Variants in MARCHF1 observed in about 807,000 individuals in gnomAD.
The protein encoded by MARCHF1 is membrane associated ring-CH-type finger 1.
A neutral mutation model predicts 54.2 loss-of-function variants in MARCHF1; 40 were observed. The observed-to-expected ratio is 0.74, with a 90% CI of 0.57 to 0.96. The LOEUF is 0.96. MARCHF1 is among the 40% of genes least tolerant of loss of function. The probability of loss-of-function intolerance (pLI) is 0.00; values close to 1 mark genes in which losing one functional copy is unlikely to be tolerated. For synonymous variants in MARCHF1, 236 were observed against 236.3 expected (o/e 1.00, Z 0.01); for missense variants, 586 against 656.5 (o/e 0.89, Z 1.17).
At position 164,379,863 on chromosome 4, in the gene MARCHF1, C is replaced by T. The variant is rs557653060; in HGVS notation, c.-323+4007G>A. 1.0e-3 allele frequency among the ~76,000 whole-genome samples: 157 copies of T among 151,922 alleles called. 2 individuals carry two copies. In the South Asian group the frequency reaches 0.031, roughly 30 times the overall value. On this transcript the variant is annotated intron_variant, in intron 1 of 9. Transcript: ENST00000514618. Reference sequence around the variant, plus strand: ...TGGTGCTAGTCAGGAGGCTGAGGGACGAGAACCACTTGAGGCAGAGGTTTC... The same window carrying T: ...TGGTGCTAGTCAGGAGGCTGAGGGATGAGAACCACTTGAGGCAGAGGTTTC...
chr4:163,874,398 T>G (rs1371933996), intron 3 of MARCHF1, among the ~76,000 whole-genome samples: 2 of 152,176 alleles, frequency 1.3e-5, no homozygotes, highest in African/African-American at 2.4e-5. Context: ...CACCAAATAC[T>G]GTAAGACCCA....
intron 8 of MARCHF1, among the ~76,000 whole-genome samples, chr4:163,566,102 A>G (rs981895765): frequency 3.3e-5 from 5 of 152,212 alleles, no homozygotes; most frequent in African/African-American, 7.2e-5. Flanking sequence ...CCCTGCTTCT[A>G]AAAATCACCA....
At chr4:164,062,716 G>A (rs1024324272) in intron 2 of MARCHF1, among the ~76,000 whole-genome samples, 1 of 152,016 alleles carries the variant, frequency 6.6e-6, no homozygotes, top group African/African-American at 2.4e-5. Context: ...TAGAGACGGG[G>A]TTTCACCACG....
intron 2 of MARCHF1, among the ~76,000 whole-genome samples, chr4:164,109,855 A>G (rs1319493981): frequency 1.3e-5 from 2 of 149,340 alleles, no homozygotes; most frequent in African/African-American, 4.9e-5. Context: ...AACCCCCGGG[A>G]CAAGAGTTTA....
intron 2 of MARCHF1, among the ~76,000 whole-genome samples, chr4:164,052,025 C>A (rs1210508136): frequency 1.3e-5 from 2 of 151,812 alleles, no homozygotes; most frequent in South Asian, 2.1e-4. Context: ...GACTTCCAGA[C>A]AATAAACAGC....
At chr4:164,035,727 A>G (rs13136056) in intron 2 of MARCHF1, among the ~76,000 whole-genome samples, 54,500 of 151,140 alleles carry the variant, frequency 0.36, 10,750 homozygotes, top group Middle Eastern at 0.54. Flanking sequence ...AATGTAGTAG[A>G]TTTCCTGGTT....
At chr4:163,928,792 C>A (rs1379506940) in intron 3 of MARCHF1, among the ~76,000 whole-genome samples, 1 of 151,862 alleles carries the variant, frequency 6.6e-6, no homozygotes, top group African/African-American at 2.4e-5. Flanking sequence ...TAAGGACTAA[C>A]TTTTTAATTT....
intron 7 of MARCHF1, among the ~76,000 whole-genome samples, chr4:163,593,018 C>A (rs1216239937): frequency 1.3e-5 from 2 of 152,082 alleles, no homozygotes; most frequent in African/African-American, 4.8e-5. Flanking sequence ...TAATCCCTTC[C>A]CTGTTAACCA....
At chr4:164,331,113 TTC>T (rs1343451856) in intron 1 of MARCHF1, among the ~76,000 whole-genome samples, 1 of 152,172 alleles carries the variant, frequency 6.6e-6, no homozygotes, top group Non-Finnish European at 1.5e-5. Context: ...TAGTCAATAT[TTC>T]TCTTATCTCC....
intron 2 of MARCHF1, among the ~76,000 whole-genome samples, chr4:164,088,430 A>G (rs1483340375): frequency 1.3e-5 from 2 of 152,158 alleles, no homozygotes; most frequent in Non-Finnish European, 2.9e-5. Flanking sequence ...CTCAGAAAGC[A>G]TCTGTTTAAA....
intron 5 of MARCHF1, among the ~76,000 whole-genome samples, chr4:163,650,597 GA>G (rs150885969): frequency 0.011 from 1,670 of 152,076 alleles, 33 homozygotes; most frequent in African/African-American, 0.036. Flanking sequence ...TCTTTCTTAA[GA>G]TTGTTGCTGA....
intron 1 of MARCHF1, among the ~76,000 whole-genome samples, chr4:164,316,423 G>A (rs1734998882): frequency 6.6e-6 from 1 of 152,070 alleles, no homozygotes; most frequent in South Asian, 2.1e-4. Context: ...AATTCATTAG[G>A]GTAGATGGTA....
chr4:164,351,774 G>T (rs1279971815), intron 1 of MARCHF1, among the ~76,000 whole-genome samples: 2 of 152,120 alleles, frequency 1.3e-5, no homozygotes, highest in African/African-American at 4.8e-5. Flanking sequence ...TGACTTTGAT[G>T]AGCTGAGAGA....
chr4:164,357,117 A>G (rs558339017), intron 1 of MARCHF1, among the ~76,000 whole-genome samples: 1 of 103,064 alleles, frequency 9.7e-6, no homozygotes, highest in Non-Finnish European at 2.2e-5. Context: ...GTTTTTTTTT[A>G]AGAAAAAAAA....
intron 2 of MARCHF1, among the ~76,000 whole-genome samples, chr4:163,996,616 C>T (rs148107915): frequency 2.2e-4 from 34 of 152,130 alleles, no homozygotes; most frequent in African/African-American, 7.5e-4. Context: ...AACCTAAAAA[C>T]GGCATCAATC....
chr4:163,932,983 G>A (rs1751713125), intron 3 of MARCHF1: 2 of 854,252 alleles, frequency 2.3e-6, no homozygotes, highest in South Asian at 1.3e-5. Context: ...TTTGATATAA[G>A]CAAGAAAGAG....
rs1740845704 is a variant in MARCHF1 at position 163,598,551 on chromosome 4, TTACTG to T, written c.1011-12627_1011-12623del. Among the ~76,000 whole-genome samples the T allele has an allele frequency of 7.9e-5, 12 of 152,314 alleles. No homozygotes were observed. The South Asian group carries it at 2.5e-3, about 32-fold the overall frequency. ...CCAAGCTACAAACCTGTACAACATG[TTACTG>T]TACTGAATACTGTGGACAGTTGTAA... On this transcript the variant is annotated intron_variant, in intron 7 of 9. Coordinates refer to ENST00000514618, the MANE Select transcript of MARCHF1 (RefSeq NM_001394959.1).
At chr4:164,241,405 G>A (rs1329235731) in intron 1 of MARCHF1, among the ~76,000 whole-genome samples, 2 of 152,062 alleles carry the variant, frequency 1.3e-5, no homozygotes, top group Admixed American at 1.3e-4. Context: ...CGATCACTCA[G>A]CACACATAAT....
intron 3 of MARCHF1, among the ~76,000 whole-genome samples, chr4:163,930,980 T>C (rs554853867): frequency 1.3e-5 from 2 of 152,206 alleles, no homozygotes; most frequent in South Asian, 2.1e-4. Flanking sequence ...TGTGACACTA[T>C]CTAGAGATGG....
Sources: allele counts gnomAD v4.1 joint callset (sites outside exome capture counted in the v4.1 genomes callset), GRCh38; gene constraint gnomAD v4.1.1; transcripts MANE v1.5; gene names NCBI Gene and HGNC (gene_info 2026-07-23, HGNC 2026-07-21).